The following NDUFA11 variants were observed in gnomAD, a reference collection of about 807,000 sequenced individuals.
NDUFA11 encodes the protein NADH:ubiquinone oxidoreductase subunit A11, also known as NADH dehydrogenase [ubiquinone] 1 alpha subcomplex subunit 11.
Under a neutral mutation model 11.3 loss-of-function variants are expected in NDUFA11, and 14 were observed. The ratio of observed to expected loss-of-function variants is 1.24; its 90% CI spans 0.82 to 1.94. The LOEUF (loss-of-function observed/expected upper bound fraction) is 1.94, where lower values mean the gene tolerates loss of function less well. Ranked by LOEUF, NDUFA11 falls within the 30% of genes most tolerant of loss-of-function variation. The pLI, the probability that NDUFA11 is intolerant of heterozygous loss-of-function variation, is 0.00. For synonymous variants in NDUFA11, 87 were observed against 85.6 expected (o/e 1.02, Z -0.09); for missense variants, 204 against 200.3 (o/e 1.02, Z -0.11).
intron 1 of NDUFA11, among the ~76,000 whole-genome samples, chr19:5,897,939 C>T (rs1013028490): frequency 1.3e-5 from 2 of 152,236 alleles, no homozygotes; most frequent in African/African-American, 4.8e-5. Flanking sequence ...AATCCTCTGC[C>T]TGACTGCTCA....
At chr19:5,895,400 G>C (rs2057601615) in intron 3 of NDUFA11, 1 of 157,876 alleles carries the variant, frequency 6.3e-6, no homozygotes, top group Non-Finnish European at 1.4e-5. Context: ...GCTGGCTTGG[G>C]GACAGGGAGC....
chr19:5,903,230 C>T (rs1481507340), intron 1 of NDUFA11, among the ~76,000 whole-genome samples: 1 of 151,990 alleles, frequency 6.6e-6, no homozygotes, highest in Non-Finnish European at 1.5e-5. Context: ...CCTCAGATGC[C>T]CCAATCATGA....
At chr19:5,903,221 C>A (rs759579549) in intron 1 of NDUFA11, among the ~76,000 whole-genome samples, 1 of 152,040 alleles carries the variant, frequency 6.6e-6, no homozygotes, top group Non-Finnish European at 1.5e-5. Context: ...CTGTACCGCC[C>A]TCAGATGCCC....
intron 1 of NDUFA11, chr19:5,902,457 G>A (rs1409262674): frequency 6.6e-6 from 1 of 152,440 alleles, no homozygotes; most frequent in Non-Finnish European, 1.5e-5. Flanking sequence ...CAGAGATGGG[G>A]ATCTTGCTAT....
chr19:5,900,781 G>A lies in NDUFA11; in HGVS notation c.97+2831C>T, dbSNP rs140713237. Among the ~76,000 whole-genome samples, 189 of 152,152 alleles carry A rather than the reference G, an allele frequency of 1.2e-3. 2 individuals are homozygous for A. Among genetic ancestry groups the A allele is most frequent in the Middle Eastern group, 3.4e-3 (1 of 294 alleles). On this transcript the variant is annotated intron_variant, in intron 1 of 3. Coordinates refer to ENST00000308961, the MANE Select transcript of NDUFA11 (RefSeq NM_175614.5). ...AAAAATACAAAAATTAGCCAGGCACGGTGGCAGGCACCTGTAATCCCAGCT... is the reference window on the plus strand; with the variant it reads ...AAAAATACAAAAATTAGCCAGGCACAGTGGCAGGCACCTGTAATCCCAGCT...
At chr19:5,892,618 G>A, downstream of NDUFA11, 1 of 295,790 alleles carries the variant, frequency 3.4e-6, no homozygotes, top group Non-Finnish European at 6.3e-6. Context: ...GAGTGCGGAG[G>A]AAGGGATGGA....
chr19:5,897,324 G>C (rs1385079158), intron 1 of NDUFA11, among the ~76,000 whole-genome samples: 1 of 152,190 alleles, frequency 6.6e-6, no homozygotes, highest in African/African-American at 2.4e-5. Flanking sequence ...GGCAGACGGA[G>C]ACTCATCCAC....
downstream of NDUFA11, chr19:5,891,628 G>T: frequency 6.6e-6 from 1 of 152,534 alleles, no homozygotes; most frequent in Non-Finnish European, 1.5e-5. Context: ...AAGCAAGTGT[G>T]TGCCCTGCAG....
chr19:5,903,511 C>T, intron 1 of NDUFA11, 101 bp downstream of exon 1: 1 of 1,155,394 alleles, frequency 8.7e-7, no homozygotes, highest in Non-Finnish European at 1.2e-6. Flanking sequence ...ACGTGCGTAC[C>T]CGCGAGACTC....
chr19:5,897,878 G>A (rs898692265), intron 1 of NDUFA11, among the ~76,000 whole-genome samples: 2 of 152,156 alleles, frequency 1.3e-5, no homozygotes, highest in African/African-American at 4.8e-5. Flanking sequence ...AGCTTCACCA[G>A]CCCCTCTATG....
In NDUFA11 at chr19:5,903,610, A is replaced by C. The variant is rs755013013; in HGVS notation, c.97+2T>G. On this transcript the variant is annotated splice_donor_variant, in intron 1 of 3. Transcript: ENST00000308961. LOFTEE classifies it high-confidence loss of function. ...CACCCTCGGGGCCCGGCCGGCGCTC[A>C]CCAGCGACGCTGGCAATACTGGTGG... is the stretch of plus-strand genomic sequence containing the variant. 3 of 1,550,266 alleles carry C rather than the reference A, an allele frequency of 1.9e-6. No homozygotes were observed. In the South Asian group the frequency reaches 3.6e-5, roughly 18 times the overall value.
downstream of NDUFA11, chr19:5,891,709 T>C (rs2057579287): frequency 6.6e-6 from 1 of 152,554 alleles, no homozygotes; most frequent in Non-Finnish European, 1.5e-5. Flanking sequence ...AGGCCTCTGC[T>C]GTTGCTGTGT....
At chr19:5,898,678 A>G (rs2057625359) in intron 1 of NDUFA11, among the ~76,000 whole-genome samples, 1 of 152,080 alleles carries the variant, frequency 6.6e-6, no homozygotes, top group Admixed American at 6.6e-5. Context: ...GTTTGAGACC[A>G]GCCTGACCGA....
At chr19:5,903,382 G>T (rs562737924) in intron 1 of NDUFA11, among the ~76,000 whole-genome samples, 8 of 152,098 alleles carry the variant, frequency 5.3e-5, no homozygotes, top group South Asian at 2.1e-4. Flanking sequence ...TGACCCCAGG[G>T]ACTAGCTTGT....
At chr19:5,897,405 C>T (rs548345686) in intron 1 of NDUFA11, among the ~76,000 whole-genome samples, 120 of 152,288 alleles carry the variant, frequency 7.9e-4, no homozygotes, top group African/African-American at 2.7e-3. Flanking sequence ...GCCAGCTCAG[C>T]GGCGCCCCCC....
intron 3 of NDUFA11, chr19:5,895,141 C>G (rs1009882100): frequency 6.7e-6 from 3 of 445,082 alleles, no homozygotes; most frequent in Non-Finnish European, 1.2e-5. Flanking sequence ...CTGCCCCCAG[C>G]TGGGGCTGGG....
intron 1 of NDUFA11, among the ~76,000 whole-genome samples, chr19:5,899,337 G>A (rs2057630283): frequency 6.6e-6 from 1 of 150,978 alleles, no homozygotes; most frequent in Non-Finnish European, 1.5e-5. Flanking sequence ...TTTTAGTAGA[G>A]ACGGGGTTTC....
At chr19:5,893,142 T>G (rs769424177), downstream of NDUFA11, 1 of 1,536,010 alleles carries the variant, frequency 6.5e-7, no homozygotes, top group South Asian at 1.2e-5. The surrounding 1 kb of genome is among the most constrained non-coding windows in gnomAD (Gnocchi z 4.1). Flanking sequence ...CAGAGAGGAC[T>G]TCGAGGCAGG....
rs1416401414 is a variant in NDUFA11 at position 5,901,258 on chromosome 19, G to A, written c.97+2354C>T. 9.2e-6 allele frequency: 11 copies of A among 1,198,070 alleles called. No homozygotes were observed. In the African/African-American group the frequency reaches 9.5e-5, roughly 10 times the overall value. The allele number at this position is 1,198,070 out of a possible 1,614,324, so 74.2% of individuals were successfully genotyped here. On this transcript the variant is annotated intron_variant, in intron 1 of 3. Transcript: ENST00000308961. ...CTCTCTCACATGAACACCAACATACGCGTCTTTCTCAGTTTCAGATCCTAT... is the reference window on the plus strand; with the variant it reads ...CTCTCTCACATGAACACCAACATACACGTCTTTCTCAGTTTCAGATCCTAT...
Sources: allele counts gnomAD v4.1 joint callset (sites outside exome capture counted in the v4.1 genomes callset), GRCh38; gene constraint gnomAD v4.1.1; non-coding constraint Gnocchi (gnomAD v3.1); transcripts MANE v1.5; gene names NCBI Gene and HGNC (gene_info 2026-07-23, HGNC 2026-07-21).